Variants in FLNB observed in about 807,000 individuals in gnomAD.
FLNB encodes the protein filamin B.
Under a neutral mutation model 250.6 loss-of-function variants are expected in FLNB, and 111 were observed. The ratio of observed to expected loss-of-function variants is 0.44; its 90% CI spans 0.38 to 0.52. The LOEUF (loss-of-function observed/expected upper bound fraction) is 0.52, where lower values mean the gene tolerates loss of function less well. FLNB is among the 20% of genes least tolerant of loss of function. The pLI, the probability that FLNB is intolerant of heterozygous loss-of-function variation, is 0.00. For synonymous variants in FLNB, 1,302 were observed against 1,372.1 expected (o/e 0.95, Z 1.13); for missense variants, 2,869 against 3,447.8 (o/e 0.83, Z 4.20).
At position 58,112,319 on chromosome 3, in the gene FLNB, G is replaced by A. The variant is rs1488790108; in HGVS notation, c.2745+1G>A. The stretch of plus-strand genomic sequence containing the variant: ...GGTTAAATATACACCCACCCAACAG[G>A]TAGGGTCCTTCTCCCCTCTGCTCCC... On this transcript the variant is annotated splice_donor_variant, in intron 18 of 45. Coordinates refer to ENST00000295956, the MANE Select transcript of FLNB (RefSeq NM_001457.4). LOFTEE classifies it high-confidence loss of function. 1 of 1,613,160 alleles carries A rather than the reference G, an allele frequency of 6.2e-7. No individual in the cohort carries two copies. Among genetic ancestry groups the A allele is most frequent in the East Asian group, 2.2e-5 (1 of 44,884 alleles).
At chr3:58,157,104 G>A (rs563860376) in intron 41 of FLNB, among the ~76,000 whole-genome samples, 5 of 152,210 alleles carry the variant, frequency 3.3e-5, no homozygotes, top group South Asian at 2.1e-4. Context: ...ATTTTTCCTC[G>A]TCCTAAACAG....
chr3:58,090,015 G>A (rs2097223803), intron 4 of FLNB, among the ~76,000 whole-genome samples: 1 of 152,126 alleles, frequency 6.6e-6, no homozygotes, highest in African/African-American at 2.4e-5. Context: ...TTGAACTCCT[G>A]ACCTTAGGTG....
intron 42 of FLNB, among the ~76,000 whole-genome samples, chr3:58,160,656 G>A (rs2097359941): frequency 6.6e-6 from 1 of 152,130 alleles, no homozygotes; most frequent in African/African-American, 2.4e-5. Flanking sequence ...TGCCTTATAG[G>A]GCATTTGTTG....
intron 4 of FLNB, among the ~76,000 whole-genome samples, chr3:58,089,461 G>A (rs934329032): frequency 3.3e-5 from 5 of 151,138 alleles, no homozygotes; most frequent in African/African-American, 4.9e-5. Flanking sequence ...CAGGAGAATC[G>A]CTTGAAACTG....
chr3:58,112,178 A>G lies in FLNB; in HGVS notation c.2605A>G (p.Thr869Ala). The change falls in exon 18 of 46, where the codon ACT becomes GCT. Residue 869 changes from threonine (T) to alanine (A), a missense_variant. Physicochemically the swap from Thr to Ala is moderately conservative, Grantham distance 58. Coordinates refer to ENST00000295956, the MANE Select transcript of FLNB (RefSeq NM_001457.4). Reference protein sequence around the residue: ...GVENGKPTHFTVYTKGAGKAP... With the variant: ...GVENGKPTHFAVYTKGAGKAP... ...GGAAAATGGGAAACCGACCCACTTC[A>G]CTGTCTACACCAAGGGGGCTGGGAA... is the stretch of plus-strand genomic sequence containing the variant. The G allele has an allele frequency of 6.2e-7, 1 of 1,614,060 alleles. No individual in the cohort carries two copies. Among genetic ancestry groups the G allele is most frequent in the Non-Finnish European group, 8.5e-7 (1 of 1,179,996 alleles).
intron 1 of FLNB, among the ~76,000 whole-genome samples, 179 bp from the exon 2 acceptor site, chr3:58,076,867 A>G (rs999763658): frequency 6.6e-6 from 1 of 152,186 alleles, no homozygotes; most frequent in Non-Finnish European, 1.5e-5. Context: ...TTGGAATCAT[A>G]TTTCATCTGT....
In FLNB at chr3:58,146,027, C is replaced by A. The variant is rs202240037; in HGVS notation, c.5532C>A (p.Ile1844=). Residue 1844 remains isoleucine, a synonymous_variant, in exon 33 of 46, where the codon ATC becomes ATA. Transcript: ENST00000295956. ...GVANKTATFT[I]VTEDAGEGGL... Reference sequence around the variant, plus strand: ...CCAACAAAACTGCCACCTTCACCATCGTCACAGAGGATGCAGGAGAAGGTA... The same window carrying A: ...CCAACAAAACTGCCACCTTCACCATAGTCACAGAGGATGCAGGAGAAGGTA... The A allele has an allele frequency of 9.9e-6, 16 of 1,614,228 alleles. No individual in the cohort carries two copies. The highest frequency in any genetic ancestry group is 5.0e-5 in the Admixed American group (3 of 60,028).
intron 32 of FLNB, among the ~76,000 whole-genome samples, chr3:58,144,455 TC>T (rs2097332422): frequency 6.6e-6 from 1 of 152,216 alleles, no homozygotes. Flanking sequence ...GAGAGTGTCT[TC>T]CCAGCCTTCC....
chr3:58,153,687 G>T, intron 39 of FLNB, 46 bp downstream of exon 39: 2 of 1,610,284 alleles, frequency 1.2e-6, no homozygotes, highest in Non-Finnish European at 8.5e-7. Flanking sequence ...ATAGAGTTGA[G>T]CCCAGGCAGT....
intron 24 of FLNB, among the ~76,000 whole-genome samples, chr3:58,127,150 C>G (rs1050125620): frequency 6.6e-6 from 1 of 152,052 alleles, no homozygotes; most frequent in Non-Finnish European, 1.5e-5. Flanking sequence ...TGGGGAATCC[C>G]CATCTTTACA....
In FLNB at chr3:58,097,987, C is replaced by G. The variant is rs2107058611; in HGVS notation, c.1147+10C>G. Reference sequence around the variant, plus strand: ...GACATCTATACGGCAGGTAACGTGCCTCTCCTCCATGGATCTGACCTTTGC... The same window carrying G: ...GACATCTATACGGCAGGTAACGTGCGTCTCCTCCATGGATCTGACCTTTGC... On this transcript the variant is annotated intron_variant, in intron 7 of 45. Transcript: ENST00000295956. 6.2e-7 allele frequency: 1 copy of G among 1,613,754 alleles called. No homozygotes were observed. Among genetic ancestry groups the G allele is most frequent in the Non-Finnish European group, 8.5e-7 (1 of 1,179,810 alleles).
In FLNB at chr3:58,156,040, G is replaced by A. The variant is rs1042412076; in HGVS notation, c.6853G>A (p.Asp2285Asn). Residue 2285 changes from aspartate to asparagine, a missense_variant, in exon 41 of 46, where the codon GAC becomes AAC. Physicochemically the swap from Asp to Asn is conservative, Grantham distance 23. Coordinates refer to ENST00000295956, the MANE Select transcript of FLNB (RefSeq NM_001457.4). ...PYLVPVIAPS[D>N]DARRLTVMSL... ...CCTGGTGCCGGTCATCGCACCCTCCGACGACGCCCGCCGCCTCACTGTTAT... is the reference window on the plus strand; with the variant it reads ...CCTGGTGCCGGTCATCGCACCCTCCAACGACGCCCGCCGCCTCACTGTTAT... 1.2e-5 allele frequency: 19 copies of A among 1,613,928 alleles called. No individual in the cohort carries two copies. The highest frequency in any genetic ancestry group is 1.6e-4 in the Middle Eastern group (1 of 6,084).
At chr3:58,136,529 G>T (rs1391306059) in intron 28 of FLNB, among the ~76,000 whole-genome samples, 2 of 152,174 alleles carry the variant, frequency 1.3e-5, no homozygotes, top group Admixed American at 1.3e-4. Context: ...TGCCTTTTAT[G>T]AGTAGATAGT....
At chr3:58,148,415 A>G (rs2097339365) in intron 35 of FLNB, 51 bp downstream of exon 35, 1 of 1,585,750 alleles carries the variant, frequency 6.3e-7, no homozygotes, top group Non-Finnish European at 8.6e-7. Flanking sequence ...TGGGTGGGAG[A>G]TGGGGACTCT....
intron 4 of FLNB, among the ~76,000 whole-genome samples, chr3:58,088,219 TG>T (rs1243455770): frequency 1.3e-5 from 2 of 151,948 alleles, no homozygotes; most frequent in African/African-American, 4.8e-5. Context: ...GGCTAATTTT[TG>T]TATTTTTAGT....
At chr3:58,091,983 C>G (rs1439397631) in intron 4 of FLNB, among the ~76,000 whole-genome samples, 1 of 152,114 alleles carries the variant, frequency 6.6e-6, no homozygotes, top group African/African-American at 2.4e-5. Flanking sequence ...AACCATATGT[C>G]CAACAGAACA....
In FLNB at chr3:58,098,637, T is replaced by G. The variant is rs140670073; in HGVS notation, c.1148-74T>G. ...CATGAGCCACCACACTGGTCCTGTTTGCATTTTGCACTCAGCAGCAGTGAG... is the reference window on the plus strand; with the variant it reads ...CATGAGCCACCACACTGGTCCTGTTGGCATTTTGCACTCAGCAGCAGTGAG... On this transcript the variant is annotated intron_variant, in intron 7 of 45. Transcript: ENST00000295956. The G allele has an allele frequency of 1.1e-5, 16 of 1,445,654 alleles. No homozygotes were observed. The African/African-American group carries it at 1.7e-4, about 15-fold the overall frequency. 89.6% of individuals were successfully genotyped at this position (1,445,654 alleles called of 1,614,324 possible).
chr3:58,050,796 C>A (rs567449428), intron 1 of FLNB, among the ~76,000 whole-genome samples: 6 of 152,200 alleles, frequency 3.9e-5, no homozygotes, highest in Non-Finnish European at 7.4e-5. Flanking sequence ...GTGCCCCCTT[C>A]CACAGCTTCC....
chr3:58,086,976 C>T (rs768625337), intron 4 of FLNB, among the ~76,000 whole-genome samples: 6 of 151,940 alleles, frequency 3.9e-5, no homozygotes, highest in Non-Finnish European at 7.4e-5. Flanking sequence ...CTGGGCATGG[C>T]GGCATGTGCC....
Sources: gnomAD v4.1 joint callset for allele counts (sites outside exome capture counted in the v4.1 genomes callset) on GRCh38, gnomAD v4.1.1 for gene constraint, MANE v1.5 for transcripts, NCBI Gene and HGNC (gene_info 2026-07-23, HGNC 2026-07-21) for gene names.